The following THSD7A variants were observed in gnomAD, a reference collection of about 807,000 sequenced individuals.
THSD7A encodes the protein thrombospondin type 1 domain containing 7A.
In THSD7A, 96 loss-of-function variants were observed where a neutral mutation model predicts 231.3. The observed-to-expected ratio is 0.41, with a 90% CI of 0.35 to 0.49. THSD7A has a LOEUF of 0.49. Ranked by LOEUF, THSD7A falls within the 20% of genes least tolerant of loss-of-function variation. THSD7A has a pLI of 0.05. For synonymous variants in THSD7A, 940 were observed against 743.3 expected, an observed-to-expected ratio of 1.26 and a Z score of -4.30; for missense variants, 2,290 against 2,070.2, an observed-to-expected ratio of 1.11 and a Z score of -2.06.
chr7:11,590,403 A>T lies in THSD7A; in HGVS notation c.1453+57T>A. 1 of 1,550,132 alleles carries T rather than the reference A, an allele frequency of 6.5e-7. No individual in the cohort carries two copies. Among genetic ancestry groups the T allele is most frequent in the Non-Finnish European group, 8.7e-7 (1 of 1,145,248 alleles). On this transcript the variant is annotated intron_variant, in intron 4 of 27. Coordinates refer to ENST00000423059, the MANE Select transcript of THSD7A (RefSeq NM_015204.3). This position sits in a 1 kb window ranked among gnomAD's most constrained non-coding sequence, Gnocchi z 4.4. ...GGCTGTGTATATATCCCTTCAGAGC[A>T]ATCACATGCTCAGTCAGTCTTCATA...
At chr7:11,564,633 G>A (rs1350582853) in intron 4 of THSD7A, among the ~76,000 whole-genome samples, 2 of 152,152 alleles carry the variant, frequency 1.3e-5, no homozygotes, top group African/African-American at 4.8e-5. Flanking sequence ...CTAGAGTCTA[G>A]ATGGGCTGTC....
intron 9 of THSD7A, among the ~76,000 whole-genome samples, chr7:11,469,195 C>A (rs986205787): frequency 3.3e-5 from 5 of 152,122 alleles, no homozygotes; most frequent in African/African-American, 1.2e-4. Context: ...ATTTGTAACA[C>A]TGCAGGAAAA....
In THSD7A at chr7:11,371,587, C is replaced by T. The variant is rs982560990; in HGVS notation, c.*4207G>A. Reference sequence around the variant, plus strand: ...CATGTACTATTGAGACCCACGTCAGCTTTAGAACAGGCTCTCCCTTCTGTA... The same window carrying T: ...CATGTACTATTGAGACCCACGTCAGTTTTAGAACAGGCTCTCCCTTCTGTA... On this transcript the variant is annotated 3_prime_UTR_variant, in exon 28 of 28. Transcript: ENST00000423059. 3.3e-5 allele frequency: 5 copies of T among 152,152 alleles called. No individual in the cohort carries two copies. The highest frequency in any genetic ancestry group is 5.9e-5 in the Non-Finnish European group (4 of 68,046). 9.4% of individuals were successfully genotyped at this position (152,152 alleles called of 1,614,324 possible). A position where few individuals can be genotyped will look rare whatever the true frequency, so the allele number is the denominator to read the frequency against.
At chr7:11,595,035 C>T (rs1234005286) in intron 2 of THSD7A, among the ~76,000 whole-genome samples, 1 of 152,186 alleles carries the variant, frequency 6.6e-6, no homozygotes, top group African/African-American at 2.4e-5. Flanking sequence ...GTGACAACAT[C>T]CACTCCCCAA....
chr7:11,519,486 C>A (rs189548048), intron 6 of THSD7A, among the ~76,000 whole-genome samples: 124 of 152,312 alleles, frequency 8.1e-4, no homozygotes, highest in African/African-American at 2.6e-3. Context: ...TCGCTAGGTA[C>A]TGGCACACTG....
At chr7:11,790,650 G>A (rs1469153624) in intron 1 of THSD7A, among the ~76,000 whole-genome samples, 3 of 151,820 alleles carry the variant, frequency 2.0e-5, no homozygotes, top group East Asian at 3.9e-4. Flanking sequence ...AACACATGAT[G>A]TGTTTAGCAG....
rs1033813017 is a variant in THSD7A, at chr7:11,466,876, C to G, written c.2368+3003G>C. 1.8e-4 allele frequency among the ~76,000 whole-genome samples: 27 copies of G among 151,996 alleles called. 1 individual carries two copies. The highest frequency in any genetic ancestry group is 5.9e-5 in the Non-Finnish European group (4 of 68,000). On this transcript the variant is annotated intron_variant, in intron 9 of 27. Coordinates refer to ENST00000423059, the MANE Select transcript of THSD7A (RefSeq NM_015204.3). ...TTACTTACAGAGGTTTCCTACCTTC[C>G]CCCAAGAGACCAACCCAACTAAACC...
At chr7:11,642,406 TGGATAATATCC>T (rs1454449163) in intron 1 of THSD7A, among the ~76,000 whole-genome samples, 1 of 152,188 alleles carries the variant, frequency 6.6e-6, no homozygotes. Context: ...TTTAAGGCTA[TGGATAATATCC>T]CCCTGTGAAT....
At chr7:11,447,474 T>C in intron 11 of THSD7A, 50 bp from the exon 12 acceptor site, 1 of 1,396,942 alleles carries the variant, frequency 7.2e-7, no homozygotes. Context: ...GTCTAATTAC[T>C]CTATAATTTA....
rs949107170 is a variant in THSD7A, at chr7:11,527,215, A to T, written c.1822+14204T>A. Among the ~76,000 whole-genome samples the T allele has an allele frequency of 5.3e-5, 8 of 152,150 alleles. No homozygotes were observed. In the South Asian group the frequency reaches 1.7e-3, roughly 31 times the overall value. Reference sequence around the variant, plus strand: ...AAATTATTGTATATAGTTCTGAATCAAAGTTAACATTTTGGAATCTTAATG... The same window carrying T: ...AAATTATTGTATATAGTTCTGAATCTAAGTTAACATTTTGGAATCTTAATG... On this transcript the variant is annotated intron_variant, in intron 6 of 27. Coordinates refer to ENST00000423059, the MANE Select transcript of THSD7A (RefSeq NM_015204.3).
intron 6 of THSD7A, among the ~76,000 whole-genome samples, chr7:11,504,842 A>T (rs79343443): frequency 0.29 from 43,279 of 150,972 alleles, 6,355 homozygotes; most frequent in South Asian, 0.41. Flanking sequence ...CTTTTTTTTT[A>T]TTGCATTTAT....
chr7:11,698,728 TCATC>T (rs1780478308), intron 1 of THSD7A, among the ~76,000 whole-genome samples: 1 of 151,314 alleles, frequency 6.6e-6, no homozygotes, highest in Admixed American at 6.6e-5. Flanking sequence ...AAATTGGAAA[TCATC>T]CAACATTGAA....
At chr7:11,525,110 T>A (rs1788417609) in intron 6 of THSD7A, among the ~76,000 whole-genome samples, 1 of 152,210 alleles carries the variant, frequency 6.6e-6, no homozygotes, top group Non-Finnish European at 1.5e-5. Flanking sequence ...AATCCATTTT[T>A]AAATGCTTTT....
At chr7:11,521,852 A>G (rs1788281116) in intron 6 of THSD7A, among the ~76,000 whole-genome samples, 1 of 151,910 alleles carries the variant, frequency 6.6e-6, no homozygotes, top group African/African-American at 2.4e-5. Context: ...TGCCTTCAAT[A>G]CAGGCACCAT....
rs571237942 is a variant in THSD7A, at chr7:11,668,782, G to T, written c.191-31821C>A. On this transcript the variant is annotated intron_variant, in intron 1 of 27. Transcript: ENST00000423059. ...TAAATCTCATGTAATCCAGCCTTCT[G>T]TCCTGAAAGCTGTGAAGTTATTTCA... Among the ~76,000 whole-genome samples the T allele has an allele frequency of 2.0e-4, 31 of 152,232 alleles. No individual in the cohort carries two copies. The South Asian group carries it at 6.0e-3, about 30-fold the overall frequency.
intron 2 of THSD7A, among the ~76,000 whole-genome samples, chr7:11,616,214 A>G (rs1228756318): frequency 5.9e-5 from 9 of 152,070 alleles, no homozygotes; most frequent in African/African-American, 2.2e-4. Flanking sequence ...TGTCTCTGTG[A>G]TATTTGACTC....
chr7:11,470,450 G>A (rs943516546), intron 8 of THSD7A, among the ~76,000 whole-genome samples: 4 of 151,760 alleles, frequency 2.6e-5, no homozygotes, highest in Non-Finnish European at 4.4e-5. Flanking sequence ...AATATGTATT[G>A]TATAAAATAA....
intron 23 of THSD7A, among the ~76,000 whole-genome samples, chr7:11,387,076 G>C (rs1782776306): frequency 6.6e-6 from 1 of 152,170 alleles, no homozygotes; most frequent in South Asian, 2.1e-4. Context: ...CTATATATCT[G>C]TTTTGGTACC....
rs377451846 is a variant in THSD7A, at chr7:11,658,650, T to C, written c.191-21689A>G. Among the ~76,000 whole-genome samples the C allele has an allele frequency of 1.2e-4, 18 of 151,840 alleles. No individual in the cohort carries two copies. In the South Asian group the frequency reaches 1.7e-3, roughly 14 times the overall value. On this transcript the variant is annotated intron_variant, in intron 1 of 27. Transcript: ENST00000423059. Reference sequence around the variant, plus strand: ...AGTCTCCTAGGGGACTCTTTACTTATATTTCCAAAGGCTGAATATTTAACT... The same window carrying C: ...AGTCTCCTAGGGGACTCTTTACTTACATTTCCAAAGGCTGAATATTTAACT...
Sources: gnomAD v4.1 joint callset for allele counts (sites outside exome capture counted in the v4.1 genomes callset) on GRCh38, gnomAD v4.1.1 for gene constraint, Gnocchi (gnomAD v3.1) non-coding constraint, MANE v1.5 for transcripts, NCBI Gene and HGNC (gene_info 2026-07-23, HGNC 2026-07-21) for gene names.